MACF1: variants seen among roughly 807,000 people sequenced by gnomAD.
MACF1 encodes microtubule-actin cross-linking factor 1.
Under a neutral mutation model 854.8 loss-of-function variants are expected in MACF1, and 193 were observed. That is an observed-to-expected ratio of 0.23 (90% CI 0.20 to 0.25). The LOEUF (loss-of-function observed/expected upper bound fraction) is 0.25. Ranked by LOEUF, MACF1 falls within the 10% of genes least tolerant of loss-of-function variation. MACF1 has a pLI of 1.00. For synonymous variants in MACF1, 3,185 were observed against 3,226.7 expected, an observed-to-expected ratio of 0.99 and a Z score of 0.44; for missense variants, 7,722 against 8,929.1, an observed-to-expected ratio of 0.86 and a Z score of 5.45.
chr1:39,454,668 C>G (rs1644402221), intron 88 of MACF1, among the ~76,000 whole-genome samples: 1 of 152,026 alleles, frequency 6.6e-6, no homozygotes, highest in South Asian at 2.1e-4. Flanking sequence ...GGTATGGTGG[C>G]ACAAGTCTGT....
At chr1:39,241,659 C>CAAAA (rs35678466) in intron 2 of MACF1, among the ~76,000 whole-genome samples, 82 of 51,334 alleles carry the variant, frequency 1.6e-3, no homozygotes, top group Non-Finnish European at 1.9e-3. Context: ...GACTCCATCT[C>CAAAA]AAAAAAAAAA....
chr1:39,263,590 C>T (rs1159514612), intron 6 of MACF1, among the ~76,000 whole-genome samples: 1 of 151,942 alleles, frequency 6.6e-6, no homozygotes, highest in Middle Eastern at 3.2e-3. Context: ...ACTTTCTTTG[C>T]CCTCTCTGCT....
At chr1:39,280,887 A>G (rs1271357917) in intron 6 of MACF1, among the ~76,000 whole-genome samples, 1 of 152,200 alleles carries the variant, frequency 6.6e-6, no homozygotes, top group African/African-American at 2.4e-5. Context: ...CCAAAATAAC[A>G]TTTAATTAGA....
chr1:39,332,198 T>C lies in MACF1; in HGVS notation c.5610T>C (p.Ile1870=), dbSNP rs1299156207. Residue 1870 remains isoleucine, a synonymous_variant, in exon 37 of 101, where the codon ATT becomes ATC. Transcript: ENST00000564288. ...TTACAGATGCCCTAGAACAAGGTAT[T>C]GTGTCTACTGAACTAGCACATAAAA... is the stretch of plus-strand genomic sequence containing the variant. ...LPITDALEQG[I]VSTELAHKIL... is the part of the protein sequence containing the mutation. The C allele has an allele frequency of 6.2e-7, 1 of 1,614,118 alleles. No individual in the cohort carries two copies. The highest frequency in any genetic ancestry group is 1.7e-5 in the Admixed American group (1 of 60,020).
intron 56 of MACF1, among the ~76,000 whole-genome samples, chr1:39,384,483 T>A (rs190013508): frequency 1.3e-5 from 2 of 152,176 alleles, no homozygotes; most frequent in African/African-American, 4.8e-5. Flanking sequence ...TGAGAACTTA[T>A]GAAATCTTGC....
Position 39,283,444 on chromosome 1 carries a change from A to G in MACF1, c.844A>G (p.Ile282Val). 1 of 1,612,932 alleles carries G rather than the reference A, an allele frequency of 6.2e-7. No homozygotes were observed. The highest frequency in any genetic ancestry group is 8.5e-7 in the Non-Finnish European group (1 of 1,178,900). The change falls in exon 9 of 101, where the codon ATC becomes GTC. Residue 282 changes from isoleucine (I) to valine (V), a missense_variant. Around this residue, in one of 15 missense-constraint regions of MACF1, gnomAD observed 97 missense variants for 130.4 expected, o/e 0.74. Coordinates refer to ENST00000564288, the MANE Select transcript of MACF1 (RefSeq NM_001394062.1). This position sits in a 1 kb window ranked among gnomAD's most constrained non-coding sequence, Gnocchi z 4.5. ...GCCATCTCCAGATGAAAAGTCTGTA[A>G]TCACTTATGTGTCTTCGATTTATGA... is the stretch of plus-strand genomic sequence containing the variant. The part of the protein sequence containing the change: ...DVPSPDEKSV[I>V]TYVSSIYDAF...
intron 72 of MACF1, among the ~76,000 whole-genome samples, chr1:39,440,348 C>G (rs899048398): frequency 6.6e-5 from 10 of 151,884 alleles, no homozygotes; most frequent in African/African-American, 1.9e-4. Context: ...TCAAGCAATC[C>G]TCCAGCCTCG....
chr1:39,143,249 C>G (rs139041754), intron 2 of MACF1, among the ~76,000 whole-genome samples: 32 of 152,214 alleles, frequency 2.1e-4, no homozygotes, highest in African/African-American at 7.0e-4. Context: ...GTGGGCTATA[C>G]GAAAAGATTT....
intron 2 of MACF1, among the ~76,000 whole-genome samples, chr1:39,184,139 G>A (rs936110920): frequency 1.3e-5 from 2 of 152,228 alleles, no homozygotes; most frequent in African/African-American, 4.8e-5. Flanking sequence ...GGTGTGGGCA[G>A]TGCTGTTCAT....
At position 39,105,629 on chromosome 1, in the gene MACF1, C is replaced by T. The variant is rs1177355664; in HGVS notation, c.220+21191C>T. ...AGAAGGCGGTGCGGGCGGCCATGGC[C>T]GGCTACGTGCCGGGTCAGCAGCCGG... is the stretch of plus-strand genomic sequence containing the variant. On this transcript the variant is annotated intron_variant, in intron 2 of 93. Coordinates refer to the MACF1 transcript ENST00000361689. This position sits in a 1 kb window ranked among gnomAD's most constrained non-coding sequence, Gnocchi z 5.9. 5 of 1,229,846 alleles carry T rather than the reference C, an allele frequency of 4.1e-6. No homozygotes were observed. The highest frequency in any genetic ancestry group is 5.2e-6 in the Non-Finnish European group (5 of 959,310). 76.2% of individuals were successfully genotyped at this position (1,229,846 alleles called of 1,614,324 possible). A position where few individuals can be genotyped will look rare whatever the true frequency, so the allele number is the denominator to read the frequency against.
intron 66 of MACF1, among the ~76,000 whole-genome samples, chr1:39,431,489 C>A (rs575603589): frequency 1.9e-4 from 29 of 152,282 alleles, no homozygotes; most frequent in African/African-American, 7.0e-4. Context: ...TCCTTAGGAT[C>A]ATAGTGATGA....
chr1:39,323,799 A>G (rs1646558568), intron 33 of MACF1, among the ~76,000 whole-genome samples: 1 of 152,214 alleles, frequency 6.6e-6, no homozygotes, highest in African/African-American at 2.4e-5. Flanking sequence ...CTTTCTTTAT[A>G]TCCATACCTA....
intron 2 of MACF1, among the ~76,000 whole-genome samples, chr1:39,151,303 C>T (rs1158971614): frequency 6.6e-6 from 1 of 152,152 alleles, no homozygotes; most frequent in Non-Finnish European, 1.5e-5. Context: ...AACAGTAGTA[C>T]TTTCTTAGTT....
chr1:39,463,438 C>T (rs1055318696), intron 93 of MACF1, among the ~76,000 whole-genome samples, 174 bp from the exon 94 acceptor site: 4 of 150,708 alleles, frequency 2.7e-5, no homozygotes, highest in Admixed American at 6.6e-5. Flanking sequence ...GTGGTGGAGC[C>T]GAGATCGCAC....
chr1:39,385,290 A>T, intron 56 of MACF1, 144 bp from the exon 57 acceptor site: 1 of 840,172 alleles, frequency 1.2e-6, no homozygotes, highest in Non-Finnish European at 1.8e-6. Context: ...CTAGTCTTGA[A>T]CTCCTGACCT....
Position 39,361,069 on chromosome 1 carries a change from G to T in MACF1, c.12453+68G>T, listed in dbSNP as rs77676535. The T allele has an allele frequency of 1.2e-4, 164 of 1,352,924 alleles. No homozygotes were observed. In the East Asian group the frequency reaches 3.7e-3, roughly 31 times the overall value. 83.8% of individuals were successfully genotyped at this position (1,352,924 alleles called of 1,614,324 possible). ...CTATGTGCCATCATTACATAATGTT[G>T]AAAAAGTAACAAGAGGGAACCTAAT... On this transcript the variant is annotated intron_variant, in intron 48 of 100. Coordinates refer to ENST00000564288, the MANE Select transcript of MACF1 (RefSeq NM_001394062.1).
At chr1:39,125,708 C>A (rs1034570873) in intron 2 of MACF1, among the ~76,000 whole-genome samples, 3 of 152,124 alleles carry the variant, frequency 2.0e-5, no homozygotes, top group Admixed American at 6.6e-5. Context: ...ATTAAAATTT[C>A]TTTTTACAAT....
intron 52 of MACF1, among the ~76,000 whole-genome samples, chr1:39,375,333 G>A (rs1044104383): frequency 7.3e-5 from 11 of 150,030 alleles, no homozygotes; most frequent in East Asian, 2.0e-4. Context: ...ACGGAGTCTC[G>A]CTCTGTTGCC....
In MACF1 at chr1:39,382,101, G is replaced by T; in HGVS notation, c.13797G>T (p.Gly4599=). The part of the protein sequence containing the change: ...MEKELMMGVL[G]PLSIDPNMLN... ...AAGAACTGATGATGGGAGTGCTGGGGCCCCTGTCTATTGACCCCAACATGT... is the reference window on the plus strand; with the variant it reads ...AAGAACTGATGATGGGAGTGCTGGGTCCCCTGTCTATTGACCCCAACATGT... Residue 4599 remains glycine, a synonymous_variant, in exon 56 of 101, where the codon GGG becomes GGT. Coordinates refer to ENST00000564288, the MANE Select transcript of MACF1 (RefSeq NM_001394062.1). The T allele has an allele frequency of 6.2e-7, 1 of 1,614,042 alleles. No individual in the cohort carries two copies. The highest frequency in any genetic ancestry group is 8.5e-7 in the Non-Finnish European group (1 of 1,180,008).
Sources: allele counts gnomAD v4.1 joint callset (sites outside exome capture counted in the v4.1 genomes callset), GRCh38; gene constraint gnomAD v4.1.1; regional missense constraint gnomAD v4.1.1; non-coding constraint Gnocchi (gnomAD v3.1); transcripts MANE v1.5; gene names NCBI Gene and HGNC (gene_info 2026-07-23, HGNC 2026-07-21).